The following PLCD4 variants were observed in gnomAD, a reference collection of about 807,000 sequenced individuals.
The protein encoded by PLCD4 is phospholipase C delta 4, also known as 1-phosphatidylinositol 4,5-bisphosphate phosphodiesterase delta-4.
A neutral mutation model predicts 90.2 loss-of-function variants in PLCD4; 63 were observed. The ratio of observed to expected loss-of-function variants is 0.70; its 90% CI spans 0.57 to 0.86. PLCD4 has a LOEUF of 0.86. PLCD4 is among the 40% of genes least tolerant of loss of function. The probability of loss-of-function intolerance (pLI) is 0.00; values close to 1 mark genes in which losing one functional copy is unlikely to be tolerated. For missense variants in PLCD4, 830 were observed against 956.3 expected, an observed-to-expected ratio of 0.87 and a Z score of 1.74; for synonymous variants, 294 against 356.5, an observed-to-expected ratio of 0.82 and a Z score of 1.97.
intron 8 of PLCD4, among the ~76,000 whole-genome samples, chr2:218,630,299 G>A (rs767552389): frequency 2.0e-5 from 3 of 152,248 alleles, no homozygotes; most frequent in Admixed American, 6.5e-5. Context: ...GGAATCTGGA[G>A]GATGAAAGCA....
intron 6 of PLCD4, among the ~76,000 whole-genome samples, chr2:218,627,162 G>T (rs1696153795): frequency 6.6e-6 from 1 of 151,738 alleles, no homozygotes; most frequent in Admixed American, 6.6e-5. Context: ...TCGGGAGCCT[G>T]AGGCAGGAGA....
At chr2:218,611,164 C>T (rs947674204) in intron 1 of PLCD4, among the ~76,000 whole-genome samples, 1 of 152,098 alleles carries the variant, frequency 6.6e-6, no homozygotes, top group Non-Finnish European at 1.5e-5. Context: ...TCTATGGCTC[C>T]CTGATTTGAA....
At chr2:218,624,021 G>C (rs1467249375) in intron 6 of PLCD4, among the ~76,000 whole-genome samples, 1 of 152,184 alleles carries the variant, frequency 6.6e-6, no homozygotes, top group Non-Finnish European at 1.5e-5. Context: ...TGTTGAAATG[G>C]GTCCTGTTAT....
At chr2:218,624,702 A>G (rs1272579910) in intron 6 of PLCD4, among the ~76,000 whole-genome samples, 3 of 149,754 alleles carry the variant, frequency 2.0e-5, no homozygotes, top group Admixed American at 2.0e-4. Context: ...CCTGGGTGAC[A>G]TGGTGAGACT....
In PLCD4 at chr2:218,616,927, T is replaced by TAGAG. The variant is rs71266346; in HGVS notation, c.181+921_181+924dup. Among the ~76,000 whole-genome samples the TAGAG allele has an allele frequency of 4.1e-3, 56 of 13,754 alleles. 1 individual carries two copies. The highest frequency in any genetic ancestry group is 6.6e-3 in the East Asian group (2 of 304). 9.0% of individuals were successfully genotyped at this position (13,754 alleles called of 152,430 possible). A position where few individuals can be genotyped will look rare whatever the true frequency, so the allele number is the denominator to read the frequency against. On this transcript the variant is annotated intron_variant, in intron 3 of 15. Coordinates refer to ENST00000450993, the MANE Select transcript of PLCD4 (RefSeq NM_032726.4). ...ATATATATATATATATATATATATATAGAGAGAGAGAGAGAGAGAGAGAGA... is the reference window on the plus strand; with the variant it reads ...ATATATATATATATATATATATATATAGAGAGAGAGAGAGAGAGAGAGAGAGAGA...
chr2:218,633,246 A>C (rs1474814305), intron 10 of PLCD4: 9 of 609,312 alleles, frequency 1.5e-5, no homozygotes, highest in South Asian at 1.2e-4. Context: ...GGGAGGGAGG[A>C]TAATGCCTCT....
chr2:218,617,850 G>T (rs926191316), intron 3 of PLCD4, among the ~76,000 whole-genome samples: 30 of 152,180 alleles, frequency 2.0e-4, no homozygotes, highest in African/African-American at 5.8e-4. Flanking sequence ...ACTTTGGGAG[G>T]CCTAGGCGGG....
At chr2:218,616,913 TATATATATATATATAGAG>T (rs1178559782) in intron 3 of PLCD4, among the ~76,000 whole-genome samples, 2 of 22,114 alleles carry the variant, frequency 9.0e-5, no homozygotes, top group Non-Finnish European at 9.2e-5. Context: ...TATATATATA[TATATATATATATATAGAG>T]AGAGAGAGAG....
rs758688799 is a variant in PLCD4 at position 218,615,805 on chromosome 2, G to A, written c.22+44G>A. The A allele has an allele frequency of 3.7e-6, 6 of 1,601,468 alleles. No homozygotes were observed. In the South Asian group the frequency reaches 6.7e-5, roughly 18 times the overall value. On this transcript the variant is annotated intron_variant, in intron 2 of 15. Transcript: ENST00000450993. ...GCAGGGGAAGAGGCCTTAGTGTACA[G>A]CTCAGGGAAGGGAAGGAGGTTGGAC... is the stretch of plus-strand genomic sequence containing the variant.
chr2:218,626,585 G>A (rs1469775476), intron 6 of PLCD4, among the ~76,000 whole-genome samples: 2 of 152,334 alleles, frequency 1.3e-5, no homozygotes, highest in East Asian at 1.9e-4. Flanking sequence ...GAGATGCTGC[G>A]TGGAATGCCC....
chr2:218,616,970 AGAG>A (rs1695639966), intron 3 of PLCD4, among the ~76,000 whole-genome samples: 1 of 110,346 alleles, frequency 9.1e-6, no homozygotes, highest in African/African-American at 3.2e-5. Context: ...AGAGAGAGAG[AGAG>A]AGAGAGAGAG....
intron 10 of PLCD4, among the ~76,000 whole-genome samples, chr2:218,633,042 G>A (rs2106161262): frequency 6.6e-6 from 1 of 152,204 alleles, no homozygotes; most frequent in South Asian, 2.1e-4. Context: ...GTGCTTTCTG[G>A]GGCTGTGGTG....
chr2:218,625,114 CAAAAAAAAAAAAAAAAAAG>C (rs1378905881), intron 6 of PLCD4, among the ~76,000 whole-genome samples: 1 of 61,924 alleles, frequency 1.6e-5, no homozygotes, highest in African/African-American at 6.2e-5. Context: ...GACTCTGTTT[CAAAAAAAAAAAAAAAAAAG>C]AAAGAAAGAA....
intron 6 of PLCD4, among the ~76,000 whole-genome samples, chr2:218,627,698 G>A (rs1324123227): frequency 6.8e-6 from 1 of 146,502 alleles, no homozygotes; most frequent in Non-Finnish European, 1.5e-5. Flanking sequence ...ATTTTTAGTA[G>A]AGATGGGGTT....
At chr2:218,622,573 A>C in intron 5 of PLCD4, 74 bp from the exon 6 acceptor site, 1 of 1,128,948 alleles carries the variant, frequency 8.9e-7, no homozygotes, top group Non-Finnish European at 1.2e-6. Flanking sequence ...AATTTAAAAA[A>C]AAATTTTTTT....
At chr2:218,631,164 G>C (rs2106155374) in intron 9 of PLCD4, among the ~76,000 whole-genome samples, 2 of 152,042 alleles carry the variant, frequency 1.3e-5, no homozygotes, top group Admixed American at 1.3e-4. Context: ...GCTATCGATA[G>C]ATTTTTTTGT....
intron 1 of PLCD4, among the ~76,000 whole-genome samples, chr2:218,610,513 A>T (rs113438047): frequency 5.1e-4 from 78 of 152,132 alleles, no homozygotes; most frequent in East Asian, 1.9e-3. Flanking sequence ...GTCTCAAAAA[A>T]AAATAAATAA....
chr2:218,629,799 A>G, intron 8 of PLCD4, 136 bp downstream of exon 8: 3 of 905,774 alleles, frequency 3.3e-6, no homozygotes, highest in South Asian at 1.8e-5. Flanking sequence ...GCATCAGGCA[A>G]ATACTAAAGG....
Position 218,636,729 on chromosome 2 carries a change from A to C in PLCD4, c.*152A>C, listed in dbSNP as rs969620404. 1.9e-5 allele frequency: 15 copies of C among 801,988 alleles called. No individual in the cohort carries two copies. Among genetic ancestry groups the C allele is most frequent in the East Asian group, 2.7e-5 (1 of 37,108 alleles). The allele number at this position is 801,988 out of a possible 1,614,324, so 49.7% of individuals were successfully genotyped here. A position where few individuals can be genotyped will look rare whatever the true frequency, so the allele number is the denominator to read the frequency against. The stretch of plus-strand genomic sequence containing the variant: ...AATTACCTCATTCTTCCTAACAAGC[A>C]ATCTGGGACCTGATTTTCCACCTTT... On this transcript the variant is annotated 3_prime_UTR_variant, in exon 16 of 16. Coordinates refer to ENST00000450993, the MANE Select transcript of PLCD4 (RefSeq NM_032726.4).
Sources: gnomAD v4.1 joint callset for allele counts (sites outside exome capture counted in the v4.1 genomes callset) on GRCh38, gnomAD v4.1.1 for gene constraint, MANE v1.5 for transcripts, NCBI Gene and HGNC (gene_info 2026-07-23, HGNC 2026-07-21) for gene names.